FOXRED2: variants seen among roughly 807,000 people sequenced by gnomAD.
FOXRED2 encodes FAD-dependent oxidoreductase domain-containing protein 2.
In FOXRED2, 32 loss-of-function variants were observed where a neutral mutation model predicts 52.5. That is an observed-to-expected ratio of 0.61 (90% CI 0.46 to 0.82). The LOEUF (loss-of-function observed/expected upper bound fraction) is 0.82, where lower values mean the gene tolerates loss of function less well. Among genes scored for constraint, FOXRED2 ranks in the 40% least tolerant of loss-of-function variants. The pLI is 0.00. For synonymous variants in FOXRED2, 405 were observed against 398.1 expected (o/e 1.02, Z -0.21); for missense variants, 848 against 937.5 (o/e 0.90, Z 1.25).
chr22:36,494,054 C>T (rs1053395217), intron 7 of FOXRED2, among the ~76,000 whole-genome samples: 15 of 152,228 alleles, frequency 9.9e-5, no homozygotes, highest in African/African-American at 3.6e-4. Context: ...CTGAAGCTAA[C>T]AACGTGAGGC....
intron 8 of FOXRED2, 149 bp downstream of exon 8, chr22:36,493,484 T>G: frequency 1.7e-6 from 1 of 586,146 alleles, no homozygotes; most frequent in South Asian, 2.7e-5. Context: ...TTTAGGTGAG[T>G]TGTAATTTAA....
rs1934200924 is a variant in FOXRED2, at chr22:36,506,377, G to A, written c.46C>T (p.Leu16Phe). 2.1e-6 allele frequency: 3 copies of A among 1,446,180 alleles called. No individual in the cohort carries two copies. The highest frequency in any genetic ancestry group is 2.7e-6 in the Non-Finnish European group (3 of 1,104,630). The allele number at this position is 1,446,180 out of a possible 1,614,324, so 89.6% of individuals were successfully genotyped here. ...GCTGGGTGCAGGGCGATGGCCAGGA[G>A]CAGCCCCGGGGGACCCCACAACGGG... ...AAPLWGPPGL[L>F]LAIALHPALS... Residue 16 changes from leucine to phenylalanine, a missense_variant, in exon 2 of 9, where the codon CTC (leucine) becomes TTC (phenylalanine). Physicochemically the swap from Leu to Phe is conservative, Grantham distance 22 (BLOSUM62 0). Transcript: ENST00000397224.
At chr22:36,491,002 A>T (rs1442520196) in intron 8 of FOXRED2, among the ~76,000 whole-genome samples, 1 of 152,182 alleles carries the variant, frequency 6.6e-6, no homozygotes, top group African/African-American at 2.4e-5. Context: ...TCTCTAGTAA[A>T]AATACAAAAA....
rs1934149650 is a variant in FOXRED2 at position 36,504,726 on chromosome 22, C to G, written c.568G>C (p.Val190Leu). 1 of 1,614,034 alleles carries G rather than the reference C, an allele frequency of 6.2e-7. No individual in the cohort carries two copies. The highest frequency in any genetic ancestry group is 1.1e-5 in the South Asian group (1 of 91,082). The change falls in exon 3 of 9, where the codon GTT becomes CTT. Residue 190 changes from valine (V) to leucine (L), a missense_variant. Transcript: ENST00000397224. ...GCATATTCGGAGCCAGGGAAGTCAA[C>G]CTGGTTGGGGACTGATAAACCAGTG... ...VATGLSVPNQ[V>L]DFPGSEYAEG...
intron 4 of FOXRED2, 71 bp from the exon 5 acceptor site, chr22:36,501,478 G>T: frequency 6.6e-7 from 1 of 1,506,194 alleles, no homozygotes. Context: ...AGTTAGTTTT[G>T]AGATGGAGTT....
chr22:36,506,634 C>CCCTCAGGGTCTCCTT (rs140937086), intron 1 of FOXRED2: 9,841 of 480,252 alleles, frequency 0.02, 804 homozygotes, highest in African/African-American at 0.18. Context: ...CATCTTATCT[C>CCCTCAGGGTCTCCTT]CCTCAGGGTC....
At chr22:36,498,336 A>T in intron 5 of FOXRED2, 180 bp from the exon 6 acceptor site, 1 of 622,772 alleles carries the variant, frequency 1.6e-6, no homozygotes, top group Non-Finnish European at 2.8e-6. Flanking sequence ...CCTTTAGAGC[A>T]GGGCCAGCAG....
In FOXRED2 at chr22:36,502,301, G is replaced by A. The variant is rs1002128387; in HGVS notation, c.1050-894C>T. Among the ~76,000 whole-genome samples the A allele has an allele frequency of 1.1e-4, 16 of 152,212 alleles. 1 individual carries two copies. On this transcript the variant is annotated intron_variant, in intron 4 of 8. Transcript: ENST00000397224. ...ACACCAGCTTCTCCTTTGTCTTTCT[G>A]CACCCTGGTCAGAAGACAAGTGAAA...
rs147163941 is a variant in FOXRED2, at chr22:36,505,264, G to T, written c.528-498C>A. Reference sequence around the variant, plus strand: ...TCCAAGCAACCTGGAGGTGGTATGTGGCCTGCTTTACAGGTGAGGAGGCAC... The same window carrying T: ...TCCAAGCAACCTGGAGGTGGTATGTTGCCTGCTTTACAGGTGAGGAGGCAC... On this transcript the variant is annotated intron_variant, in intron 2 of 8. Coordinates refer to ENST00000397224, the MANE Select transcript of FOXRED2 (RefSeq NM_001102371.2). Among the ~76,000 whole-genome samples, 10 of 152,308 alleles carry T rather than the reference G, an allele frequency of 6.6e-5. No individual in the cohort carries two copies. In the East Asian group the frequency reaches 1.9e-3, roughly 29 times the overall value.
intron 6 of FOXRED2, among the ~76,000 whole-genome samples, chr22:36,496,746 G>A (rs1031280337): frequency 7.2e-5 from 11 of 152,224 alleles, no homozygotes; most frequent in Non-Finnish European, 1.2e-4. Flanking sequence ...CAAGTGGGGC[G>A]GCTGTTGTAT....
At chr22:36,506,474 G>A in intron 1 of FOXRED2, 51 bp from the exon 2 acceptor site, 1 of 1,408,896 alleles carries the variant, frequency 7.1e-7, no homozygotes, top group Non-Finnish European at 9.2e-7. Flanking sequence ...GCGGCTGGGA[G>A]ACACGAGGCC....
chr22:36,504,733 G>A lies in FOXRED2; in HGVS notation c.561C>T (p.Pro187=). The A allele has an allele frequency of 6.2e-7, 1 of 1,614,130 alleles. No homozygotes were observed. Residue 187 remains proline (P), a synonymous_variant, in exon 3 of 9, where the codon CCC becomes CCT. Transcript: ENST00000397224. ...VLFVATGLSV[P]NQVDFPGSEY... is the part of the protein sequence containing the mutation. ...CGGAGCCAGGGAAGTCAACCTGGTT[G>A]GGGACTGATAAACCAGTGGCTACAA...
intron 1 of FOXRED2, 95 bp from the exon 2 acceptor site, chr22:36,506,518 G>A: frequency 8.2e-7 from 1 of 1,220,780 alleles, no homozygotes; most frequent in Non-Finnish European, 1.1e-6. Flanking sequence ...AACTCTCACT[G>A]CAATCTGGGT....
chr22:36,489,954 A>T lies in FOXRED2; in HGVS notation c.*54T>A. 1 of 1,498,314 alleles carries T rather than the reference A, an allele frequency of 6.7e-7. No homozygotes were observed. 92.8% of individuals were successfully genotyped at this position (1,498,314 alleles called of 1,614,324 possible). A position where few individuals can be genotyped will look rare whatever the true frequency, so the allele number is the denominator to read the frequency against. On this transcript the variant is annotated 3_prime_UTR_variant, in exon 9 of 9. Coordinates refer to ENST00000397224, the MANE Select transcript of FOXRED2 (RefSeq NM_001102371.2). ...GGTTGCGGGGAAAGAGGGACTGACC[A>T]TGGGCCTAGGTGGGGAGGCCTGGCC...
chr22:36,493,890 C>T (rs957560026), intron 7 of FOXRED2, 87 bp from the exon 8 acceptor site: 265 of 1,140,860 alleles, frequency 2.3e-4, no homozygotes, highest in Non-Finnish European at 3.2e-4. Flanking sequence ...CCCACACAGC[C>T]CAAACACTTC....
Position 36,501,330 on chromosome 22 carries a change from C to T in FOXRED2, c.1127G>A (p.Ser376Asn). The T allele has an allele frequency of 6.2e-7, 1 of 1,614,154 alleles. No individual in the cohort carries two copies. Among genetic ancestry groups the T allele is most frequent in the South Asian group, 1.1e-5 (1 of 91,084 alleles). The change falls in exon 5 of 9, where the codon AGC (serine) becomes AAC (asparagine). Residue 376 changes from serine to asparagine, a missense_variant. Ser to Asn is a conservative substitution (Grantham distance 46). Coordinates refer to ENST00000397224, the MANE Select transcript of FOXRED2 (RefSeq NM_001102371.2). ...AGTACCCAGGATAAACAGACCCCGG[C>T]TTCCTTTGGATTCGTAGCTAGCTCG... ...LIRASYESKG[S>N]RGLFILGTAS...
Position 36,487,500 on chromosome 22 carries a change from T to C in FOXRED2, c.*2508A>G, listed in dbSNP as rs553270065. 2 of 152,260 alleles carry C rather than the reference T, an allele frequency of 1.3e-5. No individual in the cohort carries two copies. The highest frequency in any genetic ancestry group is 2.4e-5 in the African/African-American group (1 of 41,542). The allele number at this position is 152,260 out of a possible 1,614,324, so 9.4% of individuals were successfully genotyped here. On this transcript the variant is annotated 3_prime_UTR_variant, in exon 9 of 9. Coordinates refer to ENST00000397224, the MANE Select transcript of FOXRED2 (RefSeq NM_001102371.2). Reference sequence around the variant, plus strand: ...GCAGGTGACAGAGGCTAGGAGGGGATTGTTTACTGAAACTAGGGGCAAGGA... The same window carrying C: ...GCAGGTGACAGAGGCTAGGAGGGGACTGTTTACTGAAACTAGGGGCAAGGA...
chr22:36,501,961 C>T (rs1316033598), intron 4 of FOXRED2, among the ~76,000 whole-genome samples: 4 of 151,358 alleles, frequency 2.6e-5, no homozygotes, highest in African/African-American at 4.9e-5. Flanking sequence ...GTCAGGAGTT[C>T]GAGACCAGCC....
chr22:36,497,733 G>A (rs142045345), intron 6 of FOXRED2, among the ~76,000 whole-genome samples: 210 of 152,304 alleles, frequency 1.4e-3, no homozygotes, highest in African/African-American at 4.9e-3. Context: ...CTTTACTGCT[G>A]CAAGGTAGGC....
Sources: gnomAD v4.1 joint callset for allele counts (sites outside exome capture counted in the v4.1 genomes callset) on GRCh38, gnomAD v4.1.1 for gene constraint, MANE v1.5 for transcripts, NCBI Gene and HGNC (gene_info 2026-07-23, HGNC 2026-07-21) for gene names.